Variants in ENDOD1 observed in about 807,000 individuals in gnomAD.
ENDOD1 encodes the protein endonuclease domain containing 1.
ENDOD1 carries 9 observed loss-of-function variants against 6.5 expected under a neutral mutation model. That is an observed-to-expected ratio of 1.39 (90% CI 0.84 to 2.43). ENDOD1 has a LOEUF of 2.43. Ranked by LOEUF, ENDOD1 falls within the 30% of genes most tolerant of loss-of-function variation. The pLI is 0.00. For synonymous variants in ENDOD1, 255 were observed against 255.2 expected (o/e 1.00, Z 0.01); for missense variants, 648 against 635.5 (o/e 1.02, Z -0.21).
At chr11:95,123,006 T>G (rs903187627) in intron 1 of ENDOD1, among the ~76,000 whole-genome samples, 3 of 152,136 alleles carry the variant, frequency 2.0e-5, no homozygotes, top group Non-Finnish European at 4.4e-5. Context: ...CTGGCCAACA[T>G]GGTGAAACCC....
intron 1 of ENDOD1, among the ~76,000 whole-genome samples, chr11:95,120,476 G>A (rs190730111): frequency 8.4e-4 from 128 of 152,220 alleles, no homozygotes; most frequent in African/African-American, 3.1e-3. Flanking sequence ...CTAGGGCCTA[G>A]AAACGGGGCC....
intron 1 of ENDOD1, among the ~76,000 whole-genome samples, chr11:95,095,070 C>T (rs1298870021): frequency 4.0e-5 from 6 of 150,006 alleles, no homozygotes; most frequent in African/African-American, 1.5e-4. Flanking sequence ...CACACACACA[C>T]AAATGGAATG....
intron 1 of ENDOD1, among the ~76,000 whole-genome samples, chr11:95,104,447 T>TAA (rs10716026): frequency 7.6e-6 from 1 of 131,128 alleles, no homozygotes. Flanking sequence ...GACCCTGTCT[T>TAA]AAAAAAAAAA....
chr11:95,095,252 G>A (rs1858972559), intron 1 of ENDOD1, among the ~76,000 whole-genome samples: 1 of 152,254 alleles, frequency 6.6e-6, no homozygotes, highest in African/African-American at 2.4e-5. Flanking sequence ...TGGATGGAGG[G>A]TGGATTTGAG....
At chr11:95,115,174 G>A (rs1859193699) in intron 1 of ENDOD1, among the ~76,000 whole-genome samples, 2 of 152,058 alleles carry the variant, frequency 1.3e-5, no homozygotes, top group South Asian at 4.1e-4. Context: ...TTTCAGTAGT[G>A]TGTTATAGTT....
intron 1 of ENDOD1, among the ~76,000 whole-genome samples, chr11:95,110,815 G>A (rs782190012): frequency 1.3e-5 from 2 of 151,994 alleles, no homozygotes; most frequent in Non-Finnish European, 2.9e-5. Context: ...GTCTCAGCTG[G>A]GACACCTGAT....
At chr11:95,096,252 T>TTTTTTTC (rs56778814) in intron 1 of ENDOD1, among the ~76,000 whole-genome samples, 1 of 138,372 alleles carries the variant, frequency 7.2e-6, no homozygotes, top group African/African-American at 2.8e-5. Flanking sequence ...TTTTTTTTTT[T>TTTTTTTC]CAAATTTCCT....
intron 1 of ENDOD1, among the ~76,000 whole-genome samples, chr11:95,095,770 A>G (rs1858977951): frequency 6.6e-6 from 1 of 152,206 alleles, no homozygotes; most frequent in Non-Finnish European, 1.5e-5. Context: ...TAGTTAAGTA[A>G]CTTATCCAAG....
chr11:95,123,587 C>CAAAAAA (rs1491519128), intron 1 of ENDOD1, among the ~76,000 whole-genome samples: 1 of 21,462 alleles, frequency 4.7e-5, no homozygotes, highest in African/African-American at 1.3e-4. Flanking sequence ...AGTATAAATA[C>CAAAAAA]CAAAAAAAAA....
chr11:95,122,589 T>TACACACACACACACACACACACAC (rs55940348), intron 1 of ENDOD1, among the ~76,000 whole-genome samples: 2 of 142,814 alleles, frequency 1.4e-5, no homozygotes, highest in African/African-American at 2.6e-5. Context: ...GCATTTAAGT[T>TACACACACACACACACACACACAC]ACACACACAC....
rs573113118 is a variant in ENDOD1, at chr11:95,114,239, C to T, written c.301-14138C>T. ...TCAAGTGATCTTCTCACCTCAGCTT[C>T]CTGAGTAGCTGGGACTACAAGTGCA... is the stretch of plus-strand genomic sequence containing the variant. On this transcript the variant is annotated intron_variant, in intron 1 of 1. Coordinates refer to ENST00000278505, the MANE Select transcript of ENDOD1 (RefSeq NM_015036.3). Among the ~76,000 whole-genome samples the T allele has an allele frequency of 3.3e-5, 5 of 152,270 alleles. No individual in the cohort carries two copies. In the South Asian group the frequency reaches 1.0e-3, roughly 32 times the overall value.
intron 1 of ENDOD1, among the ~76,000 whole-genome samples, chr11:95,096,193 G>A (rs1319108891): frequency 2.1e-5 from 2 of 97,182 alleles, no homozygotes; most frequent in Admixed American, 1.4e-4. Flanking sequence ...CAGTTATCTG[G>A]TCTATCTTCT....
intron 1 of ENDOD1, among the ~76,000 whole-genome samples, chr11:95,108,079 G>A (rs1192539653): frequency 1.3e-5 from 2 of 152,154 alleles, no homozygotes; most frequent in African/African-American, 4.8e-5. Context: ...GCCACCCATT[G>A]GCCTTCACAC....
chr11:95,101,114 C>T (rs1426009447), intron 1 of ENDOD1, among the ~76,000 whole-genome samples: 2 of 152,100 alleles, frequency 1.3e-5, no homozygotes, highest in African/African-American at 4.8e-5. Context: ...CTGTGAAGGG[C>T]TAAATAGTAA....
chr11:95,120,777 A>G (rs976103097), intron 1 of ENDOD1, among the ~76,000 whole-genome samples: 2 of 151,978 alleles, frequency 1.3e-5, no homozygotes, highest in South Asian at 2.1e-4. Context: ...ACTGCCTTTC[A>G]TGTTTATTTA....
Position 95,090,141 on chromosome 11 carries a change from C to A in ENDOD1, c.214C>A (p.Arg72=). The A allele has an allele frequency of 6.6e-7, 1 of 1,524,558 alleles. No homozygotes were observed. Among genetic ancestry groups the A allele is most frequent in the East Asian group, 2.7e-5 (1 of 37,132 alleles). The allele number at this position is 1,524,558 out of a possible 1,614,324, so 94.4% of individuals were successfully genotyped here. Residue 72 remains arginine, a synonymous_variant, in exon 1 of 2, where the codon CGG becomes AGG. Transcript: ENST00000278505. ...GCGCTTCGCCACCCTCTACAGCACC[C>A]GGGACCGCATCCCCGTGTACTCCGC... ...AERFATLYST[R]DRIPVYSAFR...
rs782691082 is a variant in ENDOD1, at chr11:95,090,200, C to G, written c.273C>G (p.Ala91=). Residue 91 remains alanine, a synonymous_variant, in exon 1 of 2, where the codon GCC becomes GCG. Coordinates refer to ENST00000278505, the MANE Select transcript of ENDOD1 (RefSeq NM_015036.3). ...CCCCGCGCCCTGCGCCCGGCGGCGC[C>G]GAGCAGCGATGGCTGGTGGAGCCGC... ...FRAPRPAPGG[A]EQRWLVEPQI... is the part of the protein sequence containing the mutation. 3.5e-6 allele frequency: 5 copies of G among 1,409,394 alleles called. No individual in the cohort carries two copies. The highest frequency in any genetic ancestry group is 5.2e-5 in the Admixed American group (2 of 38,574). The allele number at this position is 1,409,394 out of a possible 1,614,324, so 87.3% of individuals were successfully genotyped here. A position where few individuals can be genotyped will look rare whatever the true frequency, so the allele number is the denominator to read the frequency against.
At chr11:95,126,522 C>A (rs1652985601) in intron 1 of ENDOD1, among the ~76,000 whole-genome samples, 1 of 152,130 alleles carries the variant, frequency 6.6e-6, no homozygotes. Context: ...AATCAAACAA[C>A]CATGTTGACA....
chr11:95,114,259 AGT>A (rs1555112243), intron 1 of ENDOD1, among the ~76,000 whole-genome samples: 1 of 151,776 alleles, frequency 6.6e-6, no homozygotes, highest in African/African-American at 2.4e-5. Flanking sequence ...TGGGACTACA[AGT>A]GCACACCACC....
Sources: allele counts gnomAD v4.1 joint callset (sites outside exome capture counted in the v4.1 genomes callset), GRCh38; gene constraint gnomAD v4.1.1; transcripts MANE v1.5; gene names NCBI Gene and HGNC (gene_info 2026-07-23, HGNC 2026-07-21).